Variants in EPB41L4A observed in about 807,000 individuals in gnomAD.
The protein encoded by EPB41L4A is band 4.1-like protein 4A.
Under a neutral mutation model 108.6 loss-of-function variants are expected in EPB41L4A, and 100 were observed. The ratio of observed to expected loss-of-function variants is 0.92; its 90% CI spans 0.78 to 1.09. The LOEUF (loss-of-function observed/expected upper bound fraction) is 1.09. EPB41L4A is among the 50% of genes least tolerant of loss of function. The probability of loss-of-function intolerance (pLI) is 0.00; values close to 1 mark genes in which losing one functional copy is unlikely to be tolerated. For missense variants in EPB41L4A, 1,030 were observed against 842.7 expected, an observed-to-expected ratio of 1.22 and a Z score of -2.75; for synonymous variants, 319 against 289.0, an observed-to-expected ratio of 1.10 and a Z score of -1.05.
chr5:112,209,532 C>T (rs1267372688), intron 13 of EPB41L4A, among the ~76,000 whole-genome samples: 2 of 152,228 alleles, frequency 1.3e-5, no homozygotes, highest in South Asian at 2.1e-4. Context: ...GAACACAGTA[C>T]ATTAAACATG....
At chr5:112,161,876 T>A (rs556031015), downstream of EPB41L4A, 1 of 265,176 alleles carries the variant, frequency 3.8e-6, no homozygotes, top group East Asian at 1.0e-4. Context: ...GGTACATTCG[T>A]AGTGTTGCTC....
chr5:112,257,187 C>G (rs1751158085), intron 9 of EPB41L4A: 1 of 152,116 alleles, frequency 6.6e-6, no homozygotes, highest in African/African-American at 2.4e-5. Context: ...AAATCACTGC[C>G]TCACAGAGAG....
At chr5:112,251,065 C>A (rs1750629890) in intron 9 of EPB41L4A, among the ~76,000 whole-genome samples, 1 of 152,172 alleles carries the variant, frequency 6.6e-6, no homozygotes, top group Non-Finnish European at 1.5e-5. Context: ...ATCTGAAAGA[C>A]TCCAAACCCA....
At chr5:112,271,160 T>C (rs954907109) in intron 4 of EPB41L4A, among the ~76,000 whole-genome samples, 3 of 152,184 alleles carry the variant, frequency 2.0e-5, no homozygotes, top group East Asian at 1.9e-4. Flanking sequence ...TGTCTTGACA[T>C]ACAAATTCAA....
Position 112,361,398 on chromosome 5 carries a change from C to T in EPB41L4A, c.100-53908G>A, listed in dbSNP as rs1303706897. Among the ~76,000 whole-genome samples the T allele has an allele frequency of 7.9e-5, 12 of 152,228 alleles. No homozygotes were observed. The East Asian group carries it at 2.3e-3, about 29-fold the overall frequency. On this transcript the variant is annotated intron_variant, in intron 1 of 22. Transcript: ENST00000261486. ...AAACACTGCAGAAGGCGGCAGGGCC[C>T]TCTGCCTAGGAAAACCAGAGACCTT...
At position 112,337,231 on chromosome 5, in the gene EPB41L4A, C is replaced by A. The variant is rs758584199; in HGVS notation, c.100-29741G>T. 3.9e-5 allele frequency among the ~76,000 whole-genome samples: 6 copies of A among 152,230 alleles called. No individual in the cohort carries two copies. The Middle Eastern group carries it at 0.01, about 259-fold the overall frequency. On this transcript the variant is annotated intron_variant, in intron 1 of 22. Transcript: ENST00000261486. ...GAGATATCTAGCTACATATAAGTTT[C>A]TCTGAAATTCCATAATTTGATCATT...
intron 2 of EPB41L4A, among the ~76,000 whole-genome samples, chr5:112,292,731 T>C (rs1229476564): frequency 2.0e-5 from 3 of 152,152 alleles, no homozygotes; most frequent in Admixed American, 1.3e-4. Context: ...AAGGAGAAAA[T>C]TCTCTTAAGA....
chr5:112,312,063 A>G (rs1755089205), intron 1 of EPB41L4A, among the ~76,000 whole-genome samples: 1 of 152,244 alleles, frequency 6.6e-6, no homozygotes, highest in Non-Finnish European at 1.5e-5. Context: ...CTTTATGCAA[A>G]CTATATTTGT....
intron 9 of EPB41L4A, among the ~76,000 whole-genome samples, chr5:112,251,886 C>T (rs1159362351): frequency 1.3e-5 from 2 of 152,112 alleles, no homozygotes; most frequent in East Asian, 1.9e-4. Context: ...GAAGGGAGGA[C>T]CAATCCAAGT....
intron 1 of EPB41L4A, among the ~76,000 whole-genome samples, chr5:112,343,811 T>C (rs1358539022): frequency 6.6e-6 from 1 of 152,222 alleles, no homozygotes; most frequent in Non-Finnish European, 1.5e-5. Context: ...CCAATTACAA[T>C]GCACAGCCCT....
At chr5:112,187,488 C>G (rs1483745404) in intron 17 of EPB41L4A, among the ~76,000 whole-genome samples, 1 of 152,186 alleles carries the variant, frequency 6.6e-6, no homozygotes, top group African/African-American at 2.4e-5. Context: ...CTCTACTTTT[C>G]CAGACTATCC....
chr5:112,195,203 G>C (rs1356204915), intron 16 of EPB41L4A, among the ~76,000 whole-genome samples: 2 of 152,080 alleles, frequency 1.3e-5, no homozygotes, highest in South Asian at 4.1e-4. Context: ...AAGCTAGCCA[G>C]GTGGAGAAAC....
Position 112,164,337 on chromosome 5 carries a change from A to T in EPB41L4A, c.*653T>A, listed in dbSNP as rs1760098123. 1 of 152,246 alleles carries T rather than the reference A, an allele frequency of 6.6e-6. No individual in the cohort carries two copies. The highest frequency in any genetic ancestry group is 6.5e-5 in the Admixed American group (1 of 15,280). The allele number at this position is 152,246 out of a possible 1,614,324, so 9.4% of individuals were successfully genotyped here. ...TGAGAACCAGCCCAGCCCTGGGAAG[A>T]CGTCCTCCCACTTGTACTATTGCAC... On this transcript the variant is annotated 3_prime_UTR_variant, in exon 23 of 23. Transcript: ENST00000261486.
intron 5 of EPB41L4A, 43 bp from the exon 6 acceptor site, chr5:112,265,059 T>C (rs554169977): frequency 2.4e-5 from 36 of 1,498,556 alleles, no homozygotes; most frequent in South Asian, 1.7e-4. Context: ...TTTAGGAAAA[T>C]AGTCCTTAAA....
intron 9 of EPB41L4A, among the ~76,000 whole-genome samples, chr5:112,243,508 A>G (rs1418293760): frequency 6.6e-6 from 1 of 152,172 alleles, no homozygotes; most frequent in Non-Finnish European, 1.5e-5. Flanking sequence ...GCTTTAATGC[A>G]GGCATTGACT....
chr5:112,211,633 T>C (rs1419526673), intron 12 of EPB41L4A, among the ~76,000 whole-genome samples: 2 of 149,114 alleles, frequency 1.3e-5, no homozygotes, highest in East Asian at 3.9e-4. Flanking sequence ...TGATGTTCAA[T>C]GAGAAGAACA....
chr5:112,176,657 TC>T (rs1360646865), intron 18 of EPB41L4A, among the ~76,000 whole-genome samples: 3 of 151,790 alleles, frequency 2.0e-5, no homozygotes, highest in African/African-American at 7.2e-5. Flanking sequence ...TAAAAGCGTC[TC>T]ACGTGGACCA....
At chr5:112,335,685 C>T (rs1756873062) in intron 1 of EPB41L4A, among the ~76,000 whole-genome samples, 1 of 152,232 alleles carries the variant, frequency 6.6e-6, no homozygotes, top group African/African-American at 2.4e-5. Context: ...GTCCCCATAT[C>T]TACTTCTGCT....
At position 112,204,611 on chromosome 5, in the gene EPB41L4A, G is replaced by A. The variant is rs542173019; in HGVS notation, c.1263-123C>T. 776 of 552,614 alleles carry A rather than the reference G, an allele frequency of 1.4e-3. 1 individual carries two copies. Among genetic ancestry groups the A allele is most frequent in the Admixed American group, 2.4e-3 (90 of 37,608 alleles). The allele number at this position is 552,614 out of a possible 1,614,324, so 34.2% of individuals were successfully genotyped here. On this transcript the variant is annotated intron_variant, in intron 14 of 22. Coordinates refer to ENST00000261486, the MANE Select transcript of EPB41L4A (RefSeq NM_022140.5). ...CCAGAGGCACATGCACCAGGGGCACGTGGTTCTCTTTGCTGACAAGATTTA... is the reference window on the plus strand; with the variant it reads ...CCAGAGGCACATGCACCAGGGGCACATGGTTCTCTTTGCTGACAAGATTTA...
Sources: allele counts gnomAD v4.1 joint callset (sites outside exome capture counted in the v4.1 genomes callset), GRCh38; gene constraint gnomAD v4.1.1; transcripts MANE v1.5; gene names NCBI Gene and HGNC (gene_info 2026-07-23, HGNC 2026-07-21).